The following EYA2 variants were observed in gnomAD, a reference collection of about 807,000 sequenced individuals.
EYA2 encodes the protein protein phosphatase EYA2.
A neutral mutation model predicts 69.2 loss-of-function variants in EYA2; 31 were observed. The observed-to-expected ratio is 0.45, with a 90% CI of 0.34 to 0.60. The LOEUF (loss-of-function observed/expected upper bound fraction) is 0.60. EYA2 is among the 20% of genes least tolerant of loss of function. EYA2 has a pLI of 0.02. For missense variants in EYA2, 622 were observed against 701.2 expected (o/e 0.89, Z 1.28); for synonymous variants, 257 against 279.4 (o/e 0.92, Z 0.80).
chr20:46,927,387 C>G (rs1985463136), intron 1 of EYA2, among the ~76,000 whole-genome samples: 1 of 152,210 alleles, frequency 6.6e-6, no homozygotes, highest in Non-Finnish European at 1.5e-5. Context: ...AGTTTCAGAG[C>G]TGAGTTCACA....
chr20:47,030,416 T>A (rs936587482), intron 5 of EYA2, among the ~76,000 whole-genome samples: 2 of 152,180 alleles, frequency 1.3e-5, no homozygotes, highest in African/African-American at 4.8e-5. Flanking sequence ...GGAATGAACA[T>A]CTGTCATTCA....
intron 1 of EYA2, among the ~76,000 whole-genome samples, chr20:46,915,368 C>T (rs1984856152): frequency 6.6e-6 from 1 of 152,168 alleles, no homozygotes; most frequent in Admixed American, 6.5e-5. Flanking sequence ...CTCTCATGGC[C>T]TGGATACGCC....
At chr20:46,918,535 G>T (rs376466612) in intron 1 of EYA2, among the ~76,000 whole-genome samples, 1 of 152,024 alleles carries the variant, frequency 6.6e-6, no homozygotes, top group African/African-American at 2.4e-5. Flanking sequence ...TCGAACTCCC[G>T]CACTCAGGCG....
intron 15 of EYA2, among the ~76,000 whole-genome samples, chr20:47,183,989 T>G (rs1338147518): frequency 6.6e-6 from 1 of 152,116 alleles, no homozygotes; most frequent in Non-Finnish European, 1.5e-5. Flanking sequence ...GTTTCCCCCA[T>G]CTCTGCCTGG....
chr20:46,939,349 T>G (rs74494379), intron 1 of EYA2, among the ~76,000 whole-genome samples: 10,254 of 152,200 alleles, frequency 0.067, 1,054 homozygotes, highest in African/African-American at 0.22. Context: ...AGGAGAGGCT[T>G]CCTGAGAATG....
chr20:47,180,952 A>C lies in EYA2; in HGVS notation c.1435+16A>C. On this transcript the variant is annotated intron_variant, in intron 14 of 15. Coordinates refer to ENST00000327619, the MANE Select transcript of EYA2 (RefSeq NM_005244.5). ...ACCAAGACAGGTAGGGAGAAGCCAC[A>C]CCTCGGCGGGGATACAGGGTTGGAG... 6.2e-7 allele frequency: 1 copy of C among 1,612,230 alleles called. No homozygotes were observed. Among genetic ancestry groups the C allele is most frequent in the South Asian group, 1.1e-5 (1 of 90,670 alleles).
chr20:47,123,999 G>A (rs944371159), intron 9 of EYA2, among the ~76,000 whole-genome samples: 4 of 151,940 alleles, frequency 2.6e-5, no homozygotes, highest in Non-Finnish European at 5.9e-5. Flanking sequence ...AAAAAAGGTG[G>A]GGGAGTGGGG....
At chr20:46,902,641 C>G (rs1023096998) in intron 1 of EYA2, among the ~76,000 whole-genome samples, 3 of 152,178 alleles carry the variant, frequency 2.0e-5, no homozygotes, top group African/African-American at 4.8e-5. Flanking sequence ...ACTTGCATTG[C>G]CTTATGGATA....
intron 1 of EYA2, among the ~76,000 whole-genome samples, chr20:46,936,040 G>C (rs1487639531): frequency 6.6e-6 from 1 of 152,126 alleles, no homozygotes; most frequent in East Asian, 1.9e-4. Context: ...CAACTGCTGA[G>C]TGTATATATA....
intron 5 of EYA2, among the ~76,000 whole-genome samples, chr20:47,021,140 G>A (rs930257017): frequency 9.9e-5 from 15 of 152,210 alleles, no homozygotes; most frequent in Admixed American, 5.2e-4. Flanking sequence ...GTTAATTATC[G>A]TTATTATGAT....
intron 1 of EYA2, among the ~76,000 whole-genome samples, chr20:46,962,217 G>A (rs1600585220): frequency 6.6e-6 from 1 of 152,176 alleles, no homozygotes; most frequent in South Asian, 2.1e-4. Flanking sequence ...TGTAGAGATG[G>A]GGTCTTGCTA....
intron 14 of EYA2, 136 bp downstream of exon 14, chr20:47,181,072 C>A: frequency 8.2e-7 from 1 of 1,226,394 alleles, no homozygotes; most frequent in Non-Finnish European, 1.1e-6. Context: ...ACTCAGATTC[C>A]CAAAACAGCC....
chr20:47,163,974 C>T (rs990396536), intron 10 of EYA2, among the ~76,000 whole-genome samples: 2 of 152,138 alleles, frequency 1.3e-5, no homozygotes, highest in Non-Finnish European at 2.9e-5. Flanking sequence ...CCACGGGAAC[C>T]CTTCCACCGT....
At chr20:47,023,207 T>C (rs1195956075) in intron 5 of EYA2, among the ~76,000 whole-genome samples, 1 of 152,230 alleles carries the variant, frequency 6.6e-6, no homozygotes, top group African/African-American at 2.4e-5. Flanking sequence ...GAACATCTTT[T>C]TGCAAACATA....
At chr20:46,936,115 G>A (rs780490619) in intron 1 of EYA2, among the ~76,000 whole-genome samples, 2 of 152,164 alleles carry the variant, frequency 1.3e-5, no homozygotes, top group Admixed American at 6.5e-5. Flanking sequence ...ATGCATTTGG[G>A]ATAAGGGCTG....
intron 9 of EYA2, among the ~76,000 whole-genome samples, chr20:47,121,545 T>C (rs1333734743): frequency 6.6e-6 from 1 of 152,190 alleles, no homozygotes; most frequent in African/African-American, 2.4e-5. Flanking sequence ...ATGATGACTT[T>C]CAGTTTGTAG....
At chr20:46,983,451 G>C (rs1042798225) in intron 1 of EYA2, among the ~76,000 whole-genome samples, 5 of 152,078 alleles carry the variant, frequency 3.3e-5, no homozygotes. Context: ...ATCCTTTAGG[G>C]TCCCAGTTAA....
chr20:46,979,221 C>G (rs1052581894), intron 1 of EYA2, among the ~76,000 whole-genome samples: 1 of 152,196 alleles, frequency 6.6e-6, no homozygotes, highest in Non-Finnish European at 1.5e-5. Context: ...GCTTTTGATC[C>G]CTCCCAGCCT....
intron 1 of EYA2, 62 bp from the exon 2 acceptor site, chr20:46,989,939 G>A (rs1424056918): frequency 1.2e-6 from 1 of 823,610 alleles, no homozygotes; most frequent in Non-Finnish European, 2.1e-6. Context: ...GAAAGAAATA[G>A]GAATCATTAG....
Sources: allele counts gnomAD v4.1 joint callset (sites outside exome capture counted in the v4.1 genomes callset), GRCh38; gene constraint gnomAD v4.1.1; transcripts MANE v1.5; gene names NCBI Gene and HGNC (gene_info 2026-07-23, HGNC 2026-07-21).